The following COL4A6 variants were observed in gnomAD, a reference collection of about 807,000 sequenced individuals.
The protein encoded by COL4A6 is collagen type IV alpha 6 chain.
In COL4A6, 59 loss-of-function variants were observed where a neutral mutation model predicts 126.7. That is an observed-to-expected ratio of 0.47 (90% CI 0.38 to 0.58). The LOEUF (loss-of-function observed/expected upper bound fraction) is 0.58, where lower values mean the gene tolerates loss of function less well. Ranked by LOEUF, COL4A6 falls within the 20% of genes least tolerant of loss-of-function variation. The pLI is 0.00. For missense variants in COL4A6, 1,285 were observed against 1,337.3 expected (o/e 0.96, Z 0.61); for synonymous variants, 547 against 496.6 (o/e 1.10, Z -1.35).
intron 3 of COL4A6, among the ~76,000 whole-genome samples, chrX:108,235,905 G>A (rs921006770): frequency 6.3e-5 from 7 of 110,428 alleles, no homozygotes; most frequent in Admixed American, 2.9e-4. Context: ...CGATCTGGGG[G>A]AGAAAAAGAG....
At chrX:108,167,536 A>G (rs900378815) in intron 37 of COL4A6, among the ~76,000 whole-genome samples, 8 of 110,797 alleles carry the variant, frequency 7.2e-5, no homozygotes, top group African/African-American at 2.3e-4. Flanking sequence ...GGGTTTTACC[A>G]TGTTACCTAG....
intron 3 of COL4A6, among the ~76,000 whole-genome samples, chrX:108,235,493 C>A (rs1326105364): frequency 1.8e-5 from 2 of 111,323 alleles, no homozygotes; most frequent in Non-Finnish European, 3.8e-5. Flanking sequence ...AGGCTGAAGA[C>A]CTTGTCTAGC....
intron 5 of COL4A6, among the ~76,000 whole-genome samples, chrX:108,218,430 T>C (rs2035922327): frequency 8.9e-6 from 1 of 112,759 alleles, no homozygotes; most frequent in East Asian, 2.8e-4. Context: ...TGGGCATTTT[T>C]GCAGACTCTG....
intron 43 of COL4A6, 133 bp downstream of exon 43, chrX:108,160,330 C>T: frequency 4.8e-6 from 3 of 621,651 alleles, no homozygotes; most frequent in Non-Finnish European, 7.5e-6. Flanking sequence ...TCCAGATCCA[C>T]CTGACTCCAG....
At chrX:108,420,565 T>C (rs2063966255) in intron 2 of COL4A6, among the ~76,000 whole-genome samples, 4 of 111,798 alleles carry the variant, frequency 3.6e-5, no homozygotes. Context: ...TGAGCCTCAG[T>C]AGGGGCCTTA....
At chrX:108,230,998 T>C (rs2036290177) in intron 3 of COL4A6, among the ~76,000 whole-genome samples, 1 of 112,116 alleles carries the variant, frequency 8.9e-6, no homozygotes, top group African/African-American at 3.2e-5. Flanking sequence ...ACCTATTTTG[T>C]GGCCCAAGAA....
At chrX:108,211,024 A>G (rs1005158854) in intron 7 of COL4A6, among the ~76,000 whole-genome samples, 2 of 111,804 alleles carry the variant, frequency 1.8e-5, no homozygotes, top group African/African-American at 6.5e-5. Flanking sequence ...ATTTGCTACC[A>G]GGGAAATGAT....
At chrX:108,178,578 C>A in intron 27 of COL4A6, 106 bp downstream of exon 27, 1 of 837,581 alleles carries the variant, frequency 1.2e-6, no homozygotes, top group Non-Finnish European at 1.7e-6. Flanking sequence ...AAGTCTCATT[C>A]TAAATTCTGA....
At chrX:108,199,025 A>T (rs1020034095) in intron 13 of COL4A6, among the ~76,000 whole-genome samples, 3 of 111,084 alleles carry the variant, frequency 2.7e-5, no homozygotes, top group African/African-American at 9.9e-5. Flanking sequence ...GTTGCTGGAG[A>T]CAATGGGATA....
chrX:108,268,590 G>C (rs1006991772), intron 3 of COL4A6: 1 of 115,055 alleles, frequency 8.7e-6, no homozygotes, highest in Admixed American at 9.1e-5. Context: ...AGCACGTGGT[G>C]TCACACTGCC....
At position 108,175,136 on chromosome X, in the gene COL4A6, T is replaced by C. The variant is rs758312390; in HGVS notation, c.2910A>G (p.Lys970=). Residue 970 remains lysine, a synonymous_variant, in exon 30 of 45, where the codon AAA becomes AAG. Coordinates refer to ENST00000334504, the MANE Select transcript of COL4A6 (RefSeq NM_033641.4). ...PMSNLWLKGD[K]GSQGSAGSNG... is the part of the protein sequence containing the mutation. Reference sequence around the variant, plus strand: ...TGGATCCGGCTGAGCCTTGAGAGCCTTTGTCTCCTTTGAGCCAAAGGTTTG... The same window carrying C: ...TGGATCCGGCTGAGCCTTGAGAGCCCTTGTCTCCTTTGAGCCAAAGGTTTG... The C allele has an allele frequency of 1.1e-5, 13 of 1,201,254 alleles. No homozygotes were observed. In the African/African-American group the frequency reaches 2.3e-4, roughly 21 times the overall value.
chrX:108,264,763 G>A (rs2037254958), intron 3 of COL4A6, among the ~76,000 whole-genome samples: 1 of 111,852 alleles, frequency 8.9e-6, no homozygotes, highest in Admixed American at 9.5e-5. Context: ...CTACAAAGAA[G>A]CATCTTTAAA....
chrX:108,418,357 G>A, intron 2 of COL4A6, among the ~76,000 whole-genome samples: 1 of 111,932 alleles, frequency 8.9e-6, no homozygotes, highest in Non-Finnish European at 1.9e-5. Context: ...TTAAAAAACA[G>A]TTCACAGACA....
chrX:108,389,801 T>C (rs1259616815), intron 2 of COL4A6, among the ~76,000 whole-genome samples: 1 of 111,595 alleles, frequency 9.0e-6, no homozygotes, highest in Non-Finnish European at 1.9e-5. Context: ...TGCCCATTAG[T>C]TGATGCAGTT....
chrX:108,380,920 T>C (rs748148377), intron 2 of COL4A6, among the ~76,000 whole-genome samples: 26 of 111,736 alleles, frequency 2.3e-4, no homozygotes, highest in Non-Finnish European at 3.8e-4. Flanking sequence ...GATATATGCA[T>C]GTAAAGCATT....
At chrX:108,420,385 C>T (rs186316970) in intron 2 of COL4A6, among the ~76,000 whole-genome samples, 3 of 111,278 alleles carry the variant, frequency 2.7e-5, no homozygotes, top group African/African-American at 9.8e-5. Flanking sequence ...ATTATGGACA[C>T]GTAGCATAAA....
At chrX:108,351,446 G>C (rs988929468) in intron 2 of COL4A6, among the ~76,000 whole-genome samples, 5 of 106,865 alleles carry the variant, frequency 4.7e-5, no homozygotes, top group African/African-American at 1.0e-4. Context: ...CTCTCTCTGT[G>C]TGTGTGTGTG....
chrX:108,398,306 T>C (rs2041008290), intron 2 of COL4A6, among the ~76,000 whole-genome samples: 1 of 112,102 alleles, frequency 8.9e-6, no homozygotes, highest in African/African-American at 3.2e-5. Context: ...AACTCAGAAA[T>C]CTTAGATCTG....
Position 108,195,120 on chromosome X carries a change from T to C in COL4A6, c.910A>G (p.Met304Val). Residue 304 changes from methionine to valine, a missense_variant, in exon 15 of 45, where the codon ATG becomes GTG. Coordinates refer to ENST00000334504, the MANE Select transcript of COL4A6 (RefSeq NM_033641.4). Reference protein sequence around the residue: ...IPGLPGPRGPMGSEGVQGPPG... With the variant: ...IPGLPGPRGPVGSEGVQGPPG... ...GGGCCTTGGACTCCTTCTGAACCCA[T>C]GGGACCCTGTAAAGAAAATAGTTAC... 3 of 1,204,081 alleles carry C rather than the reference T, an allele frequency of 2.5e-6. No individual in the cohort carries two copies. Among genetic ancestry groups the C allele is most frequent in the Non-Finnish European group, 3.4e-6 (3 of 890,229 alleles).
Sources: gnomAD v4.1 joint callset for allele counts (sites outside exome capture counted in the v4.1 genomes callset) on GRCh38, gnomAD v4.1.1 for gene constraint, MANE v1.5 for transcripts, NCBI Gene and HGNC (gene_info 2026-07-23, HGNC 2026-07-21) for gene names.